The following GLRB variants were observed in gnomAD, a reference collection of about 807,000 sequenced individuals.
GLRB encodes the protein glycine receptor subunit beta.
Under a neutral mutation model 54.2 loss-of-function variants are expected in GLRB, and 33 were observed. The observed-to-expected ratio is 0.61, with a 90% CI of 0.46 to 0.81. The LOEUF is 0.81. Ranked by LOEUF, GLRB falls within the 40% of genes least tolerant of loss-of-function variation. The pLI is 0.00. For synonymous variants in GLRB, 209 were observed against 208.2 expected (o/e 1.00, Z -0.03); for missense variants, 572 against 584.6 (o/e 0.98, Z 0.22).
chr4:157,122,104 AC>A (rs1219534847), intron 3 of GLRB, among the ~76,000 whole-genome samples: 172 of 150,938 alleles, frequency 1.1e-3, no homozygotes, highest in African/African-American at 3.4e-3. Context: ...AAAAAAAAAA[AC>A]ATTATAAAAT....
intron 7 of GLRB, among the ~76,000 whole-genome samples, chr4:157,141,586 A>G (rs1736613237): frequency 6.6e-6 from 1 of 151,986 alleles, no homozygotes; most frequent in African/African-American, 2.4e-5. Flanking sequence ...TGGAAGCCTG[A>G]GTGAATAATG....
chr4:157,154,572 C>G lies in GLRB; in HGVS notation c.1197+1562C>G, dbSNP rs1737154575. Among the ~76,000 whole-genome samples the G allele has an allele frequency of 2.6e-5, 4 of 151,952 alleles. No individual in the cohort carries two copies. The South Asian group carries it at 6.2e-4, about 24-fold the overall frequency. On this transcript the variant is annotated intron_variant, in intron 9 of 9. Transcript: ENST00000264428. ...CCTCCCGAGTAACTGGGATTACAGG[C>G]ACCTGCCACCATGTCTGGCTAATTT...
intron 2 of GLRB, among the ~76,000 whole-genome samples, chr4:157,087,385 G>C (rs1001259793): frequency 6.6e-5 from 10 of 152,008 alleles, no homozygotes; most frequent in African/African-American, 2.4e-4. Flanking sequence ...CTGAGTCTCA[G>C]TTTTCTCATT....
chr4:157,123,224 G>A (rs541031664), intron 4 of GLRB, among the ~76,000 whole-genome samples: 2 of 151,722 alleles, frequency 1.3e-5, no homozygotes, highest in South Asian at 4.2e-4. Flanking sequence ...CTGTATTTTT[G>A]GGAGACACTT....
chr4:157,122,944 A>C (rs1250000356), intron 4 of GLRB, among the ~76,000 whole-genome samples: 1 of 151,672 alleles, frequency 6.6e-6, no homozygotes, highest in Non-Finnish European at 1.5e-5. Context: ...GCAGGTGAAG[A>C]CTGGGAAGGA....
At chr4:157,114,086 A>G (rs1199348941) in intron 2 of GLRB, among the ~76,000 whole-genome samples, 2 of 151,966 alleles carry the variant, frequency 1.3e-5, no homozygotes, top group African/African-American at 2.4e-5. Flanking sequence ...CTGTCTTTGT[A>G]TGTCTATTTA....
chr4:157,166,846 T>C (rs1737728890), intron 9 of GLRB, among the ~76,000 whole-genome samples: 1 of 152,084 alleles, frequency 6.6e-6, no homozygotes, highest in African/African-American at 2.4e-5. Context: ...ATATTCTATA[T>C]CTATAGTTTG....
At chr4:157,146,162 A>G (rs1319767377) in intron 8 of GLRB, among the ~76,000 whole-genome samples, 5 of 151,626 alleles carry the variant, frequency 3.3e-5, no homozygotes, top group Admixed American at 1.3e-4. Flanking sequence ...GATTACAGGC[A>G]CCCACCACCA....
At chr4:157,137,208 T>C (rs1009366977) in intron 6 of GLRB, among the ~76,000 whole-genome samples, 1 of 152,126 alleles carries the variant, frequency 6.6e-6, no homozygotes, top group Non-Finnish European at 1.5e-5. Flanking sequence ...TTCAATAGCA[T>C]TTCTGATGTT....
chr4:157,084,579 CTTTGTTAGTTT>C, intron 2 of GLRB: 1 of 455,724 alleles, frequency 2.2e-6, no homozygotes, highest in Non-Finnish European at 4.4e-6. Flanking sequence ...AATGTGATTT[CTTTGTTAGTTT>C]TTTCATAAAC....
intron 2 of GLRB, among the ~76,000 whole-genome samples, chr4:157,118,832 A>G (rs1291872404): frequency 2.0e-5 from 3 of 151,564 alleles, no homozygotes; most frequent in Non-Finnish European, 4.4e-5. Flanking sequence ...AATTAATATA[A>G]TTTATGAAAC....
chr4:157,132,334 T>C (rs11932314), intron 4 of GLRB, among the ~76,000 whole-genome samples: 5,215 of 151,902 alleles, frequency 0.034, 153 homozygotes, highest in African/African-American at 0.081. Context: ...CCACTGTCTC[T>C]TGCTTGACCC....
intron 4 of GLRB, among the ~76,000 whole-genome samples, chr4:157,134,434 G>A (rs1277098861): frequency 6.6e-6 from 1 of 151,832 alleles, no homozygotes; most frequent in Non-Finnish European, 1.5e-5. Context: ...AGGCTGCAGT[G>A]AGCTGTGATA....
intron 4 of GLRB, among the ~76,000 whole-genome samples, chr4:157,135,692 G>T (rs745887668): frequency 6.6e-6 from 1 of 152,028 alleles, no homozygotes. Context: ...TATTGGCAGC[G>T]TGAGAACAGA....
chr4:157,129,400 G>C (rs1436080087), intron 4 of GLRB, among the ~76,000 whole-genome samples: 1 of 151,706 alleles, frequency 6.6e-6, no homozygotes, highest in African/African-American at 2.4e-5. Context: ...CCAATAACTA[G>C]TAATTATTTG....
At chr4:157,151,716 A>T (rs968001711) in intron 8 of GLRB, among the ~76,000 whole-genome samples, 3 of 152,092 alleles carry the variant, frequency 2.0e-5, no homozygotes, top group Non-Finnish European at 2.9e-5. Flanking sequence ...ATTTCATGGG[A>T]AGGGAAAAGA....
intron 8 of GLRB, among the ~76,000 whole-genome samples, chr4:157,148,283 A>C (rs1736891601): frequency 1.3e-5 from 2 of 152,260 alleles, no homozygotes; most frequent in South Asian, 4.1e-4. Flanking sequence ...TTGATCACTC[A>C]AGCTAAAGGA....
chr4:157,158,689 A>C (rs1404718401), intron 9 of GLRB, among the ~76,000 whole-genome samples: 1 of 152,120 alleles, frequency 6.6e-6, no homozygotes, highest in Non-Finnish European at 1.5e-5. Context: ...CTGTTGGTCT[A>C]TATCTCTGTT....
chr4:157,108,438 A>T (rs745694162), intron 2 of GLRB, among the ~76,000 whole-genome samples: 1 of 147,866 alleles, frequency 6.8e-6, no homozygotes, highest in South Asian at 2.3e-4. Context: ...GAAGTTGATT[A>T]TAACTTTTTT....
Sources: gnomAD v4.1 joint callset for allele counts (sites outside exome capture counted in the v4.1 genomes callset) on GRCh38, gnomAD v4.1.1 for gene constraint, MANE v1.5 for transcripts, NCBI Gene and HGNC (gene_info 2026-07-23, HGNC 2026-07-21) for gene names.